The following ATP13A4 variants were observed in gnomAD, a reference collection of about 807,000 sequenced individuals.
ATP13A4 encodes the protein probable cation-transporting ATPase 13A4.
In ATP13A4, 114 loss-of-function variants were observed where a neutral mutation model predicts 142.5. The observed-to-expected ratio is 0.80, with a 90% CI of 0.69 to 0.93. The LOEUF is 0.93. ATP13A4 is among the 40% of genes least tolerant of loss of function. ATP13A4 has a pLI of 0.00. For synonymous variants in ATP13A4, 488 were observed against 514.8 expected (o/e 0.95, Z 0.70); for missense variants, 1,392 against 1,454.0 (o/e 0.96, Z 0.69).
At chr3:193,593,095 TCC>T (rs1724894234) in exon 1 of ATP13A4, 2 of 411,396 alleles carry the variant, frequency 4.9e-6, no homozygotes, top group South Asian at 1.5e-4. Flanking sequence ...ATTGCTCCAG[TCC>T]GTTCCCGACG....
chr3:193,442,762 T>A (rs1716722104), intron 18 of ATP13A4, among the ~76,000 whole-genome samples: 1 of 152,248 alleles, frequency 6.6e-6, no homozygotes, highest in South Asian at 2.1e-4. Flanking sequence ...CTTCATGATC[T>A]ACCAGTGTAT....
At chr3:193,537,357 G>A (rs1404963421) in intron 1 of ATP13A4, among the ~76,000 whole-genome samples, 1 of 151,894 alleles carries the variant, frequency 6.6e-6, no homozygotes, top group African/African-American at 2.4e-5. Flanking sequence ...TTCAACAAAT[G>A]GCCATCAAGT....
rs1368272898 is a variant in ATP13A4, at chr3:193,412,404, A to G, written c.3015-33T>C. The stretch of plus-strand genomic sequence containing the variant: ...GGAAAACCAAAGAAGCTAATGAAGT[A>G]AGATTGCAAGGCTTTATGGAGCATT... On this transcript the variant is annotated intron_variant, in intron 26 of 29. Coordinates refer to ENST00000342695, the MANE Select transcript of ATP13A4 (RefSeq NM_032279.4). 5.0e-6 allele frequency: 8 copies of G among 1,592,822 alleles called. No homozygotes were observed. In the Admixed American group the frequency reaches 1.3e-4, roughly 27 times the overall value.
chr3:193,475,102 A>G (rs1348438643), intron 8 of ATP13A4, among the ~76,000 whole-genome samples: 1 of 152,110 alleles, frequency 6.6e-6, no homozygotes, highest in East Asian at 1.9e-4. Context: ...TTTTTCTAGC[A>G]AAAGTACATA....
At chr3:193,465,197 T>A in intron 11 of ATP13A4, 69 bp from the exon 12 acceptor site, 1 of 1,524,404 alleles carries the variant, frequency 6.6e-7, no homozygotes, top group Non-Finnish European at 8.9e-7. Flanking sequence ...TCTTTGCCTT[T>A]TTTTTTTGAG....
chr3:193,585,810 T>A (rs892559563), intron 1 of ATP13A4, among the ~76,000 whole-genome samples: 2 of 152,200 alleles, frequency 1.3e-5, no homozygotes, highest in Non-Finnish European at 2.9e-5. Context: ...TGTACAAGAC[T>A]TTCCATGAAC....
At chr3:193,492,626 C>T (rs1022003784) in intron 5 of ATP13A4, among the ~76,000 whole-genome samples, 8 of 152,076 alleles carry the variant, frequency 5.3e-5, no homozygotes, top group South Asian at 2.1e-4. Context: ...TCAGTTCTTC[C>T]GCTACTAATT....
chr3:193,537,981 T>A (rs951566300), intron 1 of ATP13A4, among the ~76,000 whole-genome samples: 1 of 151,838 alleles, frequency 6.6e-6, no homozygotes, highest in Non-Finnish European at 1.5e-5. Flanking sequence ...GATGTAGCTA[T>A]AAAAAAAACA....
chr3:193,441,067 G>A (rs2108622926), intron 20 of ATP13A4, among the ~76,000 whole-genome samples: 1 of 151,848 alleles, frequency 6.6e-6, no homozygotes, highest in East Asian at 1.9e-4. Context: ...CTTTAAGTTT[G>A]ACCCTCTTGA....
chr3:193,589,529 T>G (rs182069760), intron 1 of ATP13A4, among the ~76,000 whole-genome samples: 1 of 152,348 alleles, frequency 6.6e-6, no homozygotes, highest in South Asian at 2.1e-4. Context: ...TGAAAATTTC[T>G]GATTCGTTGG....
At chr3:193,477,200 A>C (rs543939277) in intron 8 of ATP13A4, among the ~76,000 whole-genome samples, 1 of 152,124 alleles carries the variant, frequency 6.6e-6, no homozygotes, top group Non-Finnish European at 1.5e-5. Context: ...ACTATTTTAA[A>C]ATTATGAGGT....
chr3:193,578,427 C>T (rs1346474187), intron 2 of ATP13A4, among the ~76,000 whole-genome samples: 1 of 152,068 alleles, frequency 6.6e-6, no homozygotes, highest in Non-Finnish European at 1.5e-5. Context: ...GAAGCAACTG[C>T]TGCCATTTTG....
At chr3:193,464,885 C>T (rs979616173) in intron 12 of ATP13A4, 55 bp downstream of exon 12, 8 of 1,573,106 alleles carry the variant, frequency 5.1e-6, no homozygotes, top group African/African-American at 1.4e-5. Flanking sequence ...AGTAGATATA[C>T]ATGATGACAG....
intron 9 of ATP13A4, among the ~76,000 whole-genome samples, chr3:193,470,358 C>A (rs58831045): frequency 1.3e-5 from 2 of 152,162 alleles, no homozygotes; most frequent in Non-Finnish European, 2.9e-5. Flanking sequence ...CAGTTTTGGA[C>A]TGGAAGCAGC....
chr3:193,522,194 T>A (rs1220675251), intron 1 of ATP13A4, among the ~76,000 whole-genome samples: 1 of 152,208 alleles, frequency 6.6e-6, no homozygotes, highest in Non-Finnish European at 1.5e-5. Flanking sequence ...TGTCAGCTAC[T>A]GCCTATGGAA....
chr3:193,405,047 T>C (rs1714426678), intron 29 of ATP13A4, among the ~76,000 whole-genome samples: 1 of 152,202 alleles, frequency 6.6e-6, no homozygotes, highest in Non-Finnish European at 1.5e-5. Flanking sequence ...AAGGTCCTGC[T>C]CAAACCTGTT....
rs747280562 is a variant in ATP13A4 at position 193,457,154 on chromosome 3, C to T, written c.1762-1G>A. ...GGATTGCAATTCCTTCCACTGGGAC[C>T]TGGTTGAGGGATGGGGAAAGGAGAG... On this transcript the variant is annotated splice_acceptor_variant, in intron 15 of 29. Transcript: ENST00000342695. LOFTEE classifies it high-confidence loss of function. The T allele has an allele frequency of 6.2e-7, 1 of 1,612,906 alleles. No individual in the cohort carries two copies. Among genetic ancestry groups the T allele is most frequent in the Non-Finnish European group, 8.5e-7 (1 of 1,180,032 alleles).
Position 193,407,323 on chromosome 3 carries a change from A to G in ATP13A4, c.3368T>C (p.Leu1123Pro). 1.9e-6 allele frequency: 3 copies of G among 1,612,092 alleles called. No individual in the cohort carries two copies. Among genetic ancestry groups the G allele is most frequent in the Non-Finnish European group, 2.5e-6 (3 of 1,178,428 alleles). ...IMLSLNFIVS[L>P]VAEEAVIENR... ...GATCAGCACACTTACCTCGGCCACA[A>G]GGGACACAATGAAATTCAAGCTGAG... The change falls in exon 29 of 30, where the codon CTT becomes CCT. Residue 1123 changes from leucine (L) to proline (P), a missense_variant. By Grantham distance (98) the Leu-to-Pro change is moderately conservative. Transcript: ENST00000342695.
At chr3:193,500,107 T>C (rs1163722440) in intron 3 of ATP13A4, among the ~76,000 whole-genome samples, 1 of 152,150 alleles carries the variant, frequency 6.6e-6, no homozygotes, top group African/African-American at 2.4e-5. Flanking sequence ...GGATGTTAAG[T>C]ACAATATTTG....
Sources: gnomAD v4.1 joint callset for allele counts (sites outside exome capture counted in the v4.1 genomes callset) on GRCh38, gnomAD v4.1.1 for gene constraint, MANE v1.5 for transcripts, NCBI Gene and HGNC (gene_info 2026-07-23, HGNC 2026-07-21) for gene names.